Variants in SLC35F4 observed in about 807,000 individuals in gnomAD.
SLC35F4 encodes the protein solute carrier family 35 member F4.
Under a neutral mutation model 44.2 loss-of-function variants are expected in SLC35F4, and 24 were observed. The observed-to-expected ratio is 0.54, with a 90% CI of 0.39 to 0.76. SLC35F4 has a LOEUF of 0.76. Ranked by LOEUF, SLC35F4 falls within the 30% of genes least tolerant of loss-of-function variation. The pLI, the probability that SLC35F4 is intolerant of heterozygous loss-of-function variation, is 0.00. For missense variants in SLC35F4, 562 were observed against 586.1 expected, an observed-to-expected ratio of 0.96 and a Z score of 0.42; for synonymous variants, 238 against 223.6, an observed-to-expected ratio of 1.06 and a Z score of -0.57.
intron 4 of SLC35F4, among the ~76,000 whole-genome samples, chr14:57,572,493 A>G (rs908800089): frequency 6.6e-6 from 1 of 152,156 alleles, no homozygotes; most frequent in African/African-American, 2.4e-5. Flanking sequence ...TTAGAGAAGC[A>G]TGATATTGAT....
At chr14:57,759,770 T>C (rs114884121) in intron 1 of SLC35F4, among the ~76,000 whole-genome samples, 76 of 152,270 alleles carry the variant, frequency 5.0e-4, no homozygotes, top group African/African-American at 1.8e-3. Flanking sequence ...ATTAGTAATG[T>C]TGAGCATCTT....
intron 1 of SLC35F4, chr14:57,602,693 G>A (rs1467705606): frequency 6.6e-6 from 1 of 152,112 alleles, no homozygotes; most frequent in Non-Finnish European, 1.5e-5. Context: ...CTTTCCCTGG[G>A]TCTCCAAATG....
chr14:57,889,003 T>C (rs1888706559), intron 1 of SLC35F4, among the ~76,000 whole-genome samples: 1 of 152,224 alleles, frequency 6.6e-6, no homozygotes, highest in African/African-American at 2.4e-5. Flanking sequence ...GGTGACAATG[T>C]TCAACAAGAC....
At chr14:57,646,750 T>A (rs2073542502) in intron 1 of SLC35F4, among the ~76,000 whole-genome samples, 1 of 152,230 alleles carries the variant, frequency 6.6e-6, no homozygotes, top group Non-Finnish European at 1.5e-5. Context: ...CTTTCTCTTG[T>A]GGGCATTTAG....
chr14:57,866,556 A>AT (rs879451348), upstream of SLC35F4, among the ~76,000 whole-genome samples: 18 of 152,320 alleles, frequency 1.2e-4, no homozygotes, highest in Admixed American at 5.2e-4. Context: ...CAGGTTTTGC[A>AT]GACGCAAAGA....
At chr14:57,630,879 T>C in intron 1 of SLC35F4, 1 of 881,340 alleles carries the variant, frequency 1.1e-6, no homozygotes, top group Non-Finnish European at 1.4e-6. Context: ...CCAGTTTGTT[T>C]AATGTTATGA....
chr14:57,975,704 A>G (rs1881195282), downstream of SLC35F4, among the ~76,000 whole-genome samples: 1 of 152,242 alleles, frequency 6.6e-6, no homozygotes, highest in African/African-American at 2.4e-5. Flanking sequence ...AAGCCAATAA[A>G]GAATGCACCG....
intron 1 of SLC35F4, among the ~76,000 whole-genome samples, chr14:57,646,109 T>C (rs974759883): frequency 7.9e-5 from 12 of 152,180 alleles, no homozygotes; most frequent in Admixed American, 7.2e-4. Context: ...CTCTGCCAGG[T>C]TTTGGTATCA....
At chr14:57,740,542 A>C (rs1222772749) in intron 1 of SLC35F4, among the ~76,000 whole-genome samples, 1 of 152,200 alleles carries the variant, frequency 6.6e-6, no homozygotes. Flanking sequence ...ATGGGTAAAA[A>C]CATACAGTTT....
intron 1 of SLC35F4, among the ~76,000 whole-genome samples, chr14:57,614,597 T>C (rs866968484): frequency 1.3e-5 from 2 of 152,154 alleles, no homozygotes; most frequent in Non-Finnish European, 2.9e-5. Flanking sequence ...TGAAAAAGAA[T>C]TGGAAGTAAA....
chr14:57,954,047 T>C (rs1003181610), intron 1 of SLC35F4, among the ~76,000 whole-genome samples: 4 of 152,112 alleles, frequency 2.6e-5, no homozygotes, highest in Non-Finnish European at 5.9e-5. Flanking sequence ...CCTCAGCAAA[T>C]GCAAAGGAAC....
intron 1 of SLC35F4, among the ~76,000 whole-genome samples, chr14:57,688,456 C>T (rs932257586): frequency 3.9e-5 from 6 of 152,064 alleles, no homozygotes; most frequent in African/African-American, 9.7e-5. Flanking sequence ...TTACAGGGTA[C>T]GATGGATTAT....
chr14:57,664,474 T>C (rs904888331), intron 1 of SLC35F4, among the ~76,000 whole-genome samples: 17 of 152,156 alleles, frequency 1.1e-4, no homozygotes, highest in Admixed American at 3.3e-4. Context: ...ATTGGCACGA[T>C]CTCGGCTCAC....
chr14:57,669,031 G>C (rs576310226), intron 1 of SLC35F4, among the ~76,000 whole-genome samples: 1 of 152,136 alleles, frequency 6.6e-6, no homozygotes, highest in African/African-American at 2.4e-5. Flanking sequence ...AGTTCTCCTT[G>C]AAGAGGGCCT....
chr14:57,599,989 T>C (rs2070720662), intron 1 of SLC35F4, among the ~76,000 whole-genome samples: 1 of 152,076 alleles, frequency 6.6e-6, no homozygotes, highest in South Asian at 2.1e-4. Context: ...AGACAGCCTC[T>C]TTCTTTACAG....
chr14:57,742,544 C>T (rs1042665805), intron 1 of SLC35F4, among the ~76,000 whole-genome samples: 5 of 152,044 alleles, frequency 3.3e-5, no homozygotes, highest in African/African-American at 1.2e-4. Context: ...TATATATGCA[C>T]CAATACAGAA....
At position 57,941,548 on chromosome 14, in the gene SLC35F4, G is replaced by T. The variant is rs145057498; in HGVS notation, n.282+40365C>A. 1.3e-5 allele frequency among the ~76,000 whole-genome samples: 2 copies of T among 152,234 alleles called. 1 individual carries two copies. The highest frequency in any genetic ancestry group is 3.9e-4 in the East Asian group (2 of 5,182). ...AGGGCTGAGGGAAGGAAAGGATGGA[G>T]AGTAAATGCTTAATGGGCATGGGGT... is the stretch of plus-strand genomic sequence containing the variant. On this transcript the variant is annotated intron_variant and non_coding_transcript_variant, in intron 1 of 1. Coordinates refer to the SLC35F4 transcript ENST00000556568.
chr14:57,880,901 A>T (rs761998107), intron 1 of SLC35F4, among the ~76,000 whole-genome samples: 1 of 152,230 alleles, frequency 6.6e-6, no homozygotes, highest in Non-Finnish European at 1.5e-5. Flanking sequence ...TTTCTAAAGG[A>T]TTCGTTCATA....
At chr14:57,706,056 G>T (rs2075668075) in intron 1 of SLC35F4, among the ~76,000 whole-genome samples, 1 of 152,152 alleles carries the variant, frequency 6.6e-6, no homozygotes, top group African/African-American at 2.4e-5. Flanking sequence ...GAGTCTTTGT[G>T]CTTCCTTAGC....
Sources: allele counts gnomAD v4.1 joint callset (sites outside exome capture counted in the v4.1 genomes callset), GRCh38; gene constraint gnomAD v4.1.1; transcripts MANE v1.5; gene names NCBI Gene and HGNC (gene_info 2026-07-23, HGNC 2026-07-21).